The following KLK13 variants were observed in gnomAD, a reference collection of about 807,000 sequenced individuals.
The protein encoded by KLK13 is kallikrein related peptidase 13, also known as kallikrein-13.
In KLK13, 19 loss-of-function variants were observed where a neutral mutation model predicts 22.4. The ratio of observed to expected loss-of-function variants is 0.85; its 90% confidence interval spans 0.59 to 1.24. The LOEUF is 1.24. Ranked by LOEUF, KLK13 falls within the 50% of genes most tolerant of loss-of-function variation. KLK13 has a pLI of 0.00. For missense variants in KLK13, 311 were observed against 347.9 expected (o/e 0.89, Z 0.84); for synonymous variants, 156 against 141.8 (o/e 1.10, Z -0.71).
In KLK13 at chr19:51,056,606, C is replaced by G. The variant is rs776287420; in HGVS notation, c.815G>C (p.Trp272Ser). The change falls in exon 5 of 5, where the codon TGG becomes TCG. Residue 272 changes from tryptophan (W) to serine (S), a missense_variant. Trp to Ser is a radical substitution (Grantham distance 177, BLOSUM62 -3). Transcript: ENST00000595793. ...IRKYETQQQK[W>S]LKGPQ is the part of the protein sequence containing the mutation. ...CAACTTTTATTGTGGGCCCTTCAAC[C>G]ATTTTTGCTGCTGGGTTTCATATTT... The G allele has an allele frequency of 1.2e-6, 2 of 1,614,144 alleles. No individual in the cohort carries two copies. The highest frequency in any genetic ancestry group is 2.2e-5 in the South Asian group (2 of 91,056).
chr19:51,061,853 C>A lies in KLK13; in HGVS notation c.53-1234G>T, dbSNP rs534396016. ...TCTGGCCCTTGCCAGCCTCTTTGACCCCATCTCCAACCTCTTTCTTCTGAC... is the reference window on the plus strand; with the variant it reads ...TCTGGCCCTTGCCAGCCTCTTTGACACCATCTCCAACCTCTTTCTTCTGAC... On this transcript the variant is annotated intron_variant, in intron 1 of 4. Coordinates refer to ENST00000595793, the MANE Select transcript of KLK13 (RefSeq NM_015596.3). Among the ~76,000 whole-genome samples the A allele has an allele frequency of 4.6e-5, 7 of 152,280 alleles. No individual in the cohort carries two copies. In the East Asian group the frequency reaches 1.2e-3, roughly 25 times the overall value.
chr19:51,058,408 G>T, intron 4 of KLK13, 130 bp downstream of exon 4: 1 of 1,085,534 alleles, frequency 9.2e-7, no homozygotes, highest in Non-Finnish European at 1.3e-6. Context: ...GACCTCCTAT[G>T]TGAGGGGACA....
chr19:51,064,344 T>C (rs2091757486), intron 1 of KLK13, among the ~76,000 whole-genome samples: 1 of 151,676 alleles, frequency 6.6e-6, no homozygotes, highest in East Asian at 1.9e-4. Flanking sequence ...AAAAATTAGT[T>C]GGGCGTGGTG....
In KLK13 at chr19:51,059,815, G is replaced by A. The variant is rs1276870594; in HGVS notation, c.508+10C>T. 1 of 1,588,858 alleles carries A rather than the reference G, an allele frequency of 6.3e-7. No homozygotes were observed. Among genetic ancestry groups the A allele is most frequent in the East Asian group, 2.3e-5 (1 of 43,642 alleles). ...CTATGGGGCCTCAGGCCACCTGTGT[G>A]GGTGCATACCCTGGGGGCTGGTGGT... On this transcript the variant is annotated intron_variant, in intron 3 of 4. Coordinates refer to ENST00000595793, the MANE Select transcript of KLK13 (RefSeq NM_015596.3).
In KLK13 at chr19:51,065,064, A is replaced by G; in HGVS notation, c.4T>C (p.Trp2Arg). ...GAGGCGATCACTAGGGCCAGGGGCC[A>G]CATGGCTCCGGGATCGGGAGGGGAG... M[W>R]PLALVIASLT... Residue 2 changes from tryptophan (W) to arginine (R), a missense_variant, in exon 1 of 5, where the codon TGG (tryptophan) becomes CGG (arginine). By Grantham distance (101) the Trp-to-Arg change is moderately radical. Transcript: ENST00000595793. 7.0e-7 allele frequency: 1 copy of G among 1,435,258 alleles called. No homozygotes were observed. The highest frequency in any genetic ancestry group is 9.4e-7 in the Non-Finnish European group (1 of 1,061,636). 88.9% of individuals were successfully genotyped at this position (1,435,258 alleles called of 1,614,324 possible). A position where few individuals can be genotyped will look rare whatever the true frequency, so the allele number is the denominator to read the frequency against.
intron 4 of KLK13, among the ~76,000 whole-genome samples, chr19:51,057,408 T>C (rs778155134): frequency 1.3e-5 from 2 of 152,186 alleles, no homozygotes; most frequent in Non-Finnish European, 2.9e-5. Flanking sequence ...TTTTAAAAAA[T>C]TAAACATTCA....
At position 51,055,830 on chromosome 19, in the gene KLK13, G is replaced by T. The variant is rs753069916; in HGVS notation, c.*757C>A. ...GATGTTCATGGAGGGGATACAAGACGGAATATTTGGTAGACAATAAAGTTC... is the reference window on the plus strand; with the variant it reads ...GATGTTCATGGAGGGGATACAAGACTGAATATTTGGTAGACAATAAAGTTC... On this transcript the variant is annotated 3_prime_UTR_variant, in exon 5 of 5. Coordinates refer to ENST00000595793, the MANE Select transcript of KLK13 (RefSeq NM_015596.3). Among the ~76,000 whole-genome samples the T allele has an allele frequency of 6.6e-6, 1 of 152,158 alleles. No homozygotes were observed. Among genetic ancestry groups the T allele is most frequent in the Non-Finnish European group, 1.5e-5 (1 of 68,022 alleles).
intron 1 of KLK13, chr19:51,063,918 C>T (rs2091752983): frequency 2.2e-6 from 1 of 447,086 alleles, no homozygotes; most frequent in South Asian, 1.6e-5. Flanking sequence ...ATAACATCTG[C>T]GTCTGTCCCC....
chr19:51,058,819 G>C, intron 3 of KLK13, 145 bp from the exon 4 acceptor site: 1 of 801,370 alleles, frequency 1.2e-6, no homozygotes, highest in Non-Finnish European at 2.1e-6. Context: ...GCACCTATCT[G>C]GGTAAAGCAA....
intron 1 of KLK13, chr19:51,063,636 C>A: frequency 2.2e-6 from 1 of 456,592 alleles, no homozygotes; most frequent in Non-Finnish European, 4.4e-6. Flanking sequence ...GGTCTCCTAG[C>A]CTAGGGTGTG....
intron 1 of KLK13, among the ~76,000 whole-genome samples, chr19:51,063,372 G>GA (rs201889229): frequency 0.04 from 5,253 of 132,750 alleles, 278 homozygotes; most frequent in African/African-American, 0.12. Flanking sequence ...TTGTTTGAGT[G>GA]AAAAAAGAAG....
rs768315120 is a variant in KLK13 at position 51,060,509 on chromosome 19, C to T, written c.163G>A (p.Val55Met). 2.5e-6 allele frequency: 4 copies of T among 1,613,886 alleles called. No individual in the cohort carries two copies. The highest frequency in any genetic ancestry group is 3.4e-6 in the Non-Finnish European group (4 of 1,179,910). ...HSQPWQAALL[V>M]QGRLLCGGVL... is the part of the protein sequence containing the mutation. Reference sequence around the variant, plus strand: ...CCCCCACAGAGTAGCCGCCCTTGCACTAGTAGGGCAGCCTGCCAGGGCTGA... The same window carrying T: ...CCCCCACAGAGTAGCCGCCCTTGCATTAGTAGGGCAGCCTGCCAGGGCTGA... Residue 55 changes from valine to methionine, a missense_variant, in exon 2 of 5, where the codon GTG (valine) becomes ATG (methionine). Val to Met is a conservative substitution (Grantham distance 21). Coordinates refer to ENST00000595793, the MANE Select transcript of KLK13 (RefSeq NM_015596.3).
In KLK13 at chr19:51,060,418, C is replaced by T. The variant is rs370522669; in HGVS notation, c.239+15G>A. 5.8e-6 allele frequency: 9 copies of T among 1,557,022 alleles called. No homozygotes were observed. The highest frequency in any genetic ancestry group is 4.1e-5 in the African/African-American group (3 of 73,214). On this transcript the variant is annotated intron_variant, in intron 2 of 4. Coordinates refer to ENST00000595793, the MANE Select transcript of KLK13 (RefSeq NM_015596.3). Reference sequence around the variant, plus strand: ...ATTCTCATCCCTACCCCATGCTCCCCCGGCCCCCACATACTCCTTTAGACA... The same window carrying T: ...ATTCTCATCCCTACCCCATGCTCCCTCGGCCCCCACATACTCCTTTAGACA...
At chr19:51,063,464 G>A (rs1599789012) in intron 1 of KLK13, 1 of 348,282 alleles carries the variant, frequency 2.9e-6, no homozygotes, top group East Asian at 7.6e-5. Context: ...GATATGGACA[G>A]GGAAAACAAC....
intron 1 of KLK13, chr19:51,063,637 C>T (rs751191028): frequency 1.5e-5 from 7 of 456,604 alleles, no homozygotes; most frequent in South Asian, 9.3e-5. Context: ...GTCTCCTAGC[C>T]TAGGGTGTGG....
chr19:51,058,423 A>G (rs1251168609), intron 4 of KLK13, 115 bp downstream of exon 4: 3 of 1,234,232 alleles, frequency 2.4e-6, no homozygotes, highest in African/African-American at 1.5e-5. Flanking sequence ...GGGACATTGT[A>G]TCTTATAAAG....
At chr19:51,063,588 C>T (rs1353141300) in intron 1 of KLK13, 5 of 447,376 alleles carry the variant, frequency 1.1e-5, no homozygotes, top group East Asian at 7.0e-5. Flanking sequence ...GCACCTACCT[C>T]GCCAGGTTGT....
intron 1 of KLK13, among the ~76,000 whole-genome samples, chr19:51,062,551 G>A (rs1018601408): frequency 6.6e-6 from 1 of 152,136 alleles, no homozygotes; most frequent in African/African-American, 2.4e-5. Flanking sequence ...CACAATGGGG[G>A]CTCAATAAAT....
At chr19:51,056,832 C>T in intron 4 of KLK13, 57 bp from the exon 5 acceptor site, 1 of 1,352,152 alleles carries the variant, frequency 7.4e-7, no homozygotes, top group Non-Finnish European at 1.0e-6. Flanking sequence ...CTAAACAAGG[C>T]AGGGACAGGG....
Sources: allele counts gnomAD v4.1 joint callset (sites outside exome capture counted in the v4.1 genomes callset), GRCh38; gene constraint gnomAD v4.1.1; transcripts MANE v1.5; gene names NCBI Gene and HGNC (gene_info 2026-07-23, HGNC 2026-07-21).